The following TRABD2B variants were observed in gnomAD, a reference collection of about 807,000 sequenced individuals.
TRABD2B encodes the protein TraB domain containing 2B.
A neutral mutation model predicts 40.1 loss-of-function variants in TRABD2B; 14 were observed. The observed-to-expected ratio is 0.35, with a 90% CI of 0.23 to 0.55. The LOEUF is 0.55. Ranked by LOEUF, TRABD2B falls within the 20% of genes least tolerant of loss-of-function variation. The pLI, the probability that TRABD2B is intolerant of heterozygous loss-of-function variation, is 0.90. For synonymous variants in TRABD2B, 263 were observed against 277.0 expected (o/e 0.95, Z 0.50); for missense variants, 541 against 648.6 (o/e 0.83, Z 1.80).
At chr1:47,927,885 C>A (rs1478235456) in intron 2 of TRABD2B, among the ~76,000 whole-genome samples, 2 of 152,174 alleles carry the variant, frequency 1.3e-5, no homozygotes, top group African/African-American at 4.8e-5. Context: ...CTCTCCCCAA[C>A]AAGAGTCAAT....
chr1:47,821,248 ATGGAGTCTTGAGAGG>A (rs1645104560), intron 2 of TRABD2B, among the ~76,000 whole-genome samples: 1 of 152,204 alleles, frequency 6.6e-6, no homozygotes, highest in Non-Finnish European at 1.5e-5. Context: ...GCTCTGTGCT[ATGGAGTCTTGAGAGG>A]TGGACAGAGA....
At chr1:47,794,788 CAG>C in intron 3 of TRABD2B, 28 bp from the exon 4 acceptor site, 2 of 939,998 alleles carry the variant, frequency 2.1e-6, no homozygotes, top group East Asian at 3.4e-5. Flanking sequence ...AGGCTGCCTT[CAG>C]TTTTTTTTTT....
In TRABD2B at chr1:47,765,921, T is replaced by C. The variant is rs1299864143; in HGVS notation, c.1535A>G (p.His512Arg). The C allele has an allele frequency of 1.1e-5, 8 of 702,978 alleles. No individual in the cohort carries two copies. Among genetic ancestry groups the C allele is most frequent in the Middle Eastern group, 2.3e-4 (1 of 4,370 alleles). The allele number at this position is 702,978 out of a possible 1,614,324, so 43.5% of individuals were successfully genotyped here. A position where few individuals can be genotyped will look rare whatever the true frequency, so the allele number is the denominator to read the frequency against. The change falls in exon 7 of 7, where the codon CAT (histidine) becomes CGT (arginine). Residue 512 changes from histidine to arginine, a missense_variant. Physicochemically the swap from His to Arg is conservative, Grantham distance 29. This residue lies in a region of TRABD2B where 172 missense variants were observed against 155.8 expected (regional missense o/e 1.10). Coordinates refer to ENST00000606738, the MANE Select transcript of TRABD2B (RefSeq NM_001194986.2). Reference protein sequence around the residue: ...ATTIAVCFLLHSLGPS With the variant: ...ATTIAVCFLLRSLGPS ...CCGAGGTCAGGAGGGCCCAAGGCTATGCAGCAGGAAGCAGACAGCGATGGT... is the reference window on the plus strand; with the variant it reads ...CCGAGGTCAGGAGGGCCCAAGGCTACGCAGCAGGAAGCAGACAGCGATGGT...
At chr1:47,963,560 T>C (rs999982043) in intron 2 of TRABD2B, among the ~76,000 whole-genome samples, 1 of 152,172 alleles carries the variant, frequency 6.6e-6, no homozygotes, top group Non-Finnish European at 1.5e-5. Context: ...ATGGAAAAGG[T>C]AAGTCATGAA....
chr1:47,823,663 G>A (rs893591068), intron 2 of TRABD2B, among the ~76,000 whole-genome samples: 5 of 152,186 alleles, frequency 3.3e-5, no homozygotes, highest in Admixed American at 2.6e-4. Flanking sequence ...GAATGGGGTG[G>A]TGAGAGAGAG....
intron 2 of TRABD2B, among the ~76,000 whole-genome samples, chr1:47,858,932 T>G (rs952227334): frequency 2.0e-5 from 3 of 152,118 alleles, no homozygotes; most frequent in Non-Finnish European, 4.4e-5. Flanking sequence ...GGTGGCTTAG[T>G]CAAGGTGGGC....
At position 47,895,074 on chromosome 1, in the gene TRABD2B, G is replaced by A. The variant is rs184550965; in HGVS notation, c.667-93455C>T. On this transcript the variant is annotated intron_variant, in intron 2 of 6. Transcript: ENST00000606738. ...TTGGGAGATATTCAAACAGCCCTCA[G>A]GACAAAATCATATCCTGCGGCCCCT... 8.7e-3 allele frequency among the ~76,000 whole-genome samples: 1,326 copies of A among 152,228 alleles called. 15 individuals carry two copies. The highest frequency in any genetic ancestry group is 0.012 in the Non-Finnish European group (822 of 68,010).
chr1:47,888,177 C>G (rs1644396178), intron 2 of TRABD2B, among the ~76,000 whole-genome samples: 1 of 152,212 alleles, frequency 6.6e-6, no homozygotes, highest in Admixed American at 6.5e-5. Flanking sequence ...GATCTCTGGT[C>G]CTTTCAAATC....
chr1:47,847,584 G>A (rs181907404), intron 2 of TRABD2B, among the ~76,000 whole-genome samples: 2 of 152,316 alleles, frequency 1.3e-5, no homozygotes, highest in East Asian at 3.9e-4. Flanking sequence ...GGAGTCAGCA[G>A]CAGATGCGGA....
chr1:47,892,728 G>A (rs1346245835), intron 2 of TRABD2B, among the ~76,000 whole-genome samples: 2 of 152,184 alleles, frequency 1.3e-5, no homozygotes, highest in African/African-American at 4.8e-5. Flanking sequence ...AATGACCCTA[G>A]GATTCTTCTA....
At chr1:47,875,426 C>A (rs1313966266) in intron 2 of TRABD2B, among the ~76,000 whole-genome samples, 1 of 151,722 alleles carries the variant, frequency 6.6e-6, no homozygotes, top group Non-Finnish European at 1.5e-5. Flanking sequence ...GTGGCTCATG[C>A]CTGTAATTCC....
intron 2 of TRABD2B, among the ~76,000 whole-genome samples, chr1:47,978,772 C>T (rs1645798005): frequency 1.3e-5 from 2 of 152,174 alleles, no homozygotes; most frequent in Non-Finnish European, 2.9e-5. Flanking sequence ...GACGTCCTCG[C>T]TCCTCCCCGG....
rs548970474 is a variant in TRABD2B at position 47,803,059 on chromosome 1, T to C, written c.667-1440A>G. On this transcript the variant is annotated intron_variant, in intron 2 of 6. Coordinates refer to ENST00000606738, the MANE Select transcript of TRABD2B (RefSeq NM_001194986.2). ...TGCCTTTGTGCCTCTGTAAATGCTG[T>C]TCCATAGGGAAATCCGGCTCCCTCG... 1.2e-4 allele frequency among the ~76,000 whole-genome samples: 19 copies of C among 152,230 alleles called. No homozygotes were observed. In the East Asian group the frequency reaches 1.9e-3, roughly 15 times the overall value.
At chr1:47,811,089 A>G (rs965380657) in intron 2 of TRABD2B, among the ~76,000 whole-genome samples, 4 of 152,166 alleles carry the variant, frequency 2.6e-5, no homozygotes, top group Non-Finnish European at 5.9e-5. Flanking sequence ...GGGCCTGTAG[A>G]GCCCTGTGGT....
At chr1:47,904,928 C>T (rs1473496670) in intron 2 of TRABD2B, among the ~76,000 whole-genome samples, 1 of 152,184 alleles carries the variant, frequency 6.6e-6, no homozygotes, top group East Asian at 1.9e-4. Context: ...AGTATGCCTC[C>T]CTAAAAATTA....
intron 2 of TRABD2B, among the ~76,000 whole-genome samples, chr1:47,956,113 C>A (rs1189061383): frequency 6.6e-6 from 1 of 152,162 alleles, no homozygotes; most frequent in African/African-American, 2.4e-5. Context: ...AGAACCACAA[C>A]AAGGAGGAAG....
intron 2 of TRABD2B, among the ~76,000 whole-genome samples, chr1:47,990,431 T>G (rs904304027): frequency 2.0e-5 from 3 of 152,064 alleles, no homozygotes; most frequent in African/African-American, 7.2e-5. Flanking sequence ...TTAGGCATCC[T>G]TGGGCCCCCA....
intron 2 of TRABD2B, among the ~76,000 whole-genome samples, chr1:47,979,971 G>A (rs1645817422): frequency 6.6e-6 from 1 of 152,188 alleles, no homozygotes. Context: ...GAATGAGTGG[G>A]TGGGCCAATT....
intron 2 of TRABD2B, among the ~76,000 whole-genome samples, chr1:47,851,901 A>C (rs1472146865): frequency 6.6e-6 from 1 of 152,226 alleles, no homozygotes. Flanking sequence ...TATGTGCCAG[A>C]GGTGGGATTT....
Sources: allele counts gnomAD v4.1 joint callset (sites outside exome capture counted in the v4.1 genomes callset), GRCh38; gene constraint gnomAD v4.1.1; regional missense constraint gnomAD v4.1.1; transcripts MANE v1.5; gene names NCBI Gene and HGNC (gene_info 2026-07-23, HGNC 2026-07-21).